The following ABCC11 variants were observed in gnomAD, a reference collection of about 807,000 sequenced individuals.
The protein encoded by ABCC11 is ATP binding cassette subfamily C member 11, also known as ATP-binding cassette sub-family C member 11.
A neutral mutation model predicts 149.3 loss-of-function variants in ABCC11; 135 were observed. The observed-to-expected ratio is 0.90, with a 90% CI of 0.79 to 1.04. The LOEUF is 1.04. Among genes scored for constraint, ABCC11 ranks in the 50% least tolerant of loss-of-function variants. The probability of loss-of-function intolerance (pLI) is 0.00; values close to 1 mark genes in which losing one functional copy is unlikely to be tolerated. For missense variants in ABCC11, 1,680 were observed against 1,722.1 expected (o/e 0.98, Z 0.43); for synonymous variants, 665 against 671.4 (o/e 0.99, Z 0.15).
intron 23 of ABCC11, among the ~76,000 whole-genome samples, chr16:48,181,787 A>AT (rs1053522672): frequency 4.6e-5 from 7 of 151,780 alleles, no homozygotes; most frequent in African/African-American, 1.2e-4. Context: ...ATTTTTTTGT[A>AT]TTTTTTTAGT....
intron 1 of ABCC11, among the ~76,000 whole-genome samples, chr16:48,233,064 A>G (rs1475085105): frequency 6.6e-6 from 1 of 152,086 alleles, no homozygotes; most frequent in African/African-American, 2.4e-5. Context: ...AGCTAGACGT[A>G]GTGGTGCACG....
At chr16:48,190,463 C>T (rs984195044) in intron 20 of ABCC11, among the ~76,000 whole-genome samples, 1 of 151,978 alleles carries the variant, frequency 6.6e-6, no homozygotes, top group Non-Finnish European at 1.5e-5. Flanking sequence ...CTGGCTCAAG[C>T]GATCCTCCTT....
rs1196825150 is a variant in ABCC11, at chr16:48,198,415, A to T, written c.2083-140T>A. The T allele has an allele frequency of 9.4e-6, 9 of 958,994 alleles. No homozygotes were observed. The East Asian group carries it at 2.4e-4, about 25-fold the overall frequency. The allele number at this position is 958,994 out of a possible 1,614,324, so 59.4% of individuals were successfully genotyped here. A position where few individuals can be genotyped will look rare whatever the true frequency, so the allele number is the denominator to read the frequency against. ...AGATGAGCAAACATTCAAAAGTTGG[A>T]CAACTCCAAGTGTTGGTGATGATCT... On this transcript the variant is annotated intron_variant, in intron 15 of 29. Transcript: ENST00000356608.
intron 26 of ABCC11, among the ~76,000 whole-genome samples, chr16:48,171,781 T>C (rs749351955): frequency 2.0e-5 from 3 of 152,088 alleles, no homozygotes; most frequent in Non-Finnish European, 2.9e-5. Flanking sequence ...CTGGCCAACA[T>C]GGTAAAACCC....
intron 1 of ABCC11, chr16:48,244,448 G>T: frequency 6.3e-7 from 1 of 1,595,610 alleles, no homozygotes; most frequent in Admixed American, 1.7e-5. Flanking sequence ...TCACCCACGA[G>T]GGCGTCCTGC....
chr16:48,189,776 C>T (rs1198874932), intron 20 of ABCC11, among the ~76,000 whole-genome samples: 2 of 152,188 alleles, frequency 1.3e-5, no homozygotes, highest in Non-Finnish European at 2.9e-5. Flanking sequence ...CTCCTGCTTT[C>T]TGGTTCTGCC....
intron 22 of ABCC11, 102 bp from the exon 23 acceptor site, chr16:48,184,728 A>C: frequency 8.4e-7 from 1 of 1,193,734 alleles, no homozygotes; most frequent in Non-Finnish European, 1.2e-6. Context: ...CCAGTTCCCC[A>C]CTCCCAGCAG....
chr16:48,205,450 C>T lies in ABCC11; in HGVS notation c.1768G>A (p.Glu590Lys). 1 of 1,614,224 alleles carries T rather than the reference C, an allele frequency of 6.2e-7. No individual in the cohort carries two copies. Among genetic ancestry groups the T allele is most frequent in the Non-Finnish European group, 8.5e-7 (1 of 1,180,042 alleles). ...QAWIVSGNIRENILMGGAYDK... is the reference protein window; with the variant it reads ...QAWIVSGNIRKNILMGGAYDK... ...TATGCGCCTCCCATGAGGATGTTCT[C>T]CCTGATGTTCCCGCTGACGATCCAG... Residue 590 changes from glutamate (E) to lysine (K), a missense_variant, in exon 13 of 30, where the codon GAG (glutamate) becomes AAG (lysine). By Grantham distance (56) the Glu-to-Lys change is moderately conservative. Transcript: ENST00000356608.
chr16:48,203,615 C>T (rs946358851), intron 13 of ABCC11, among the ~76,000 whole-genome samples: 1 of 152,178 alleles, frequency 6.6e-6, no homozygotes, highest in Non-Finnish European at 1.5e-5. Context: ...TGCCTGTAAT[C>T]CCAGCACTTT....
intron 7 of ABCC11, among the ~76,000 whole-genome samples, 173 bp from the exon 8 acceptor site, chr16:48,215,517 C>T (rs898218096): frequency 6.6e-6 from 1 of 152,200 alleles, no homozygotes; most frequent in Non-Finnish European, 1.5e-5. Flanking sequence ...GCCTTTCTTT[C>T]CTGAGTCCCA....
chr16:48,244,726 C>A (rs943601104), intron 1 of ABCC11: 23 of 797,812 alleles, frequency 2.9e-5, no homozygotes, highest in Non-Finnish European at 3.7e-5. Context: ...TTCGGGGCGG[C>A]CTTCGCGGCT....
intron 1 of ABCC11, chr16:48,235,070 G>A (rs945409489): frequency 1.3e-5 from 2 of 152,216 alleles, no homozygotes; most frequent in African/African-American, 2.4e-5. Context: ...ACCAGCAAGT[G>A]GGGGATCATG....
chr16:48,203,418 T>A (rs1968171068), intron 13 of ABCC11, 118 bp from the exon 14 acceptor site: 1 of 910,360 alleles, frequency 1.1e-6, no homozygotes, highest in Middle Eastern at 2.2e-4. Context: ...TTGATGGTGT[T>A]TAATGGTATA....
Position 48,196,359 on chromosome 16 carries a change from G to A in ABCC11, c.2315-38C>T, listed in dbSNP as rs778686479. 7 of 1,584,100 alleles carry A rather than the reference G, an allele frequency of 4.4e-6. No homozygotes were observed. In the South Asian group the frequency reaches 4.5e-5, roughly 10 times the overall value. On this transcript the variant is annotated intron_variant, in intron 17 of 29. Coordinates refer to ENST00000356608, the MANE Select transcript of ABCC11 (RefSeq NM_001370497.1). ...AGAAGAAGAGAAAAGTGGTATGCCT[G>A]CCAATCACATGATCTGCTTCCTTCT...
chr16:48,218,222 G>A (rs962026174), intron 6 of ABCC11, among the ~76,000 whole-genome samples: 1 of 152,076 alleles, frequency 6.6e-6, no homozygotes, highest in Admixed American at 6.6e-5. Context: ...CTGGAGCCCA[G>A]GAGGTCCAGA....
At chr16:48,183,650 C>A (rs1283391152) in intron 23 of ABCC11, among the ~76,000 whole-genome samples, 1 of 152,202 alleles carries the variant, frequency 6.6e-6, no homozygotes, top group East Asian at 1.9e-4. Context: ...GTAATCCCAG[C>A]TACTCAGGAG....
At chr16:48,210,733 C>A in intron 11 of ABCC11, 1 of 689,760 alleles carries the variant, frequency 1.4e-6, no homozygotes, top group Non-Finnish European at 2.3e-6. Flanking sequence ...TGGGTCTTAC[C>A]TAAGCCAAAA....
chr16:48,208,544 C>A, intron 11 of ABCC11, 48 bp from the exon 12 acceptor site: 2 of 1,602,212 alleles, frequency 1.2e-6, no homozygotes, highest in Non-Finnish European at 1.7e-6. Flanking sequence ...ATAGCCCTGG[C>A]ATACCCACCT....
chr16:48,178,312 C>T (rs149052687), intron 24 of ABCC11, among the ~76,000 whole-genome samples: 1 of 152,148 alleles, frequency 6.6e-6, no homozygotes, highest in Non-Finnish European at 1.5e-5. Flanking sequence ...TTGTTGTCAT[C>T]ATTATTATTG....
Sources: gnomAD v4.1 joint callset for allele counts (sites outside exome capture counted in the v4.1 genomes callset) on GRCh38, gnomAD v4.1.1 for gene constraint, MANE v1.5 for transcripts, NCBI Gene and HGNC (gene_info 2026-07-23, HGNC 2026-07-21) for gene names.